TMCC3: variants seen among roughly 807,000 people sequenced by gnomAD.
The protein encoded by TMCC3 is transmembrane and coiled-coil domain protein 3.
Under a neutral mutation model 40.2 loss-of-function variants are expected in TMCC3, and 28 were observed. That is an observed-to-expected ratio of 0.70 (90% CI 0.52 to 0.95). The LOEUF is 0.95. TMCC3 is among the 40% of genes least tolerant of loss of function. The probability of loss-of-function intolerance (pLI) is 0.00; values close to 1 mark genes in which losing one functional copy is unlikely to be tolerated. For synonymous variants in TMCC3, 255 were observed against 248.5 expected (o/e 1.03, Z -0.25); for missense variants, 554 against 615.2 (o/e 0.90, Z 1.05).
chr12:94,575,759 G>T (rs931030781), intron 3 of TMCC3, among the ~76,000 whole-genome samples: 4 of 152,062 alleles, frequency 2.6e-5, no homozygotes, highest in African/African-American at 9.7e-5. Flanking sequence ...CTCTAAAATA[G>T]AACGACTTCG....
chr12:94,578,146 C>CAAAAAAAAAA (rs1183420863), intron 3 of TMCC3, among the ~76,000 whole-genome samples: 232 of 34,340 alleles, frequency 6.8e-3, no homozygotes, highest in Non-Finnish European at 9.9e-3. Flanking sequence ...AGACTCACCT[C>CAAAAAAAAAA]AAAAAAAAAA....
intron 1 of TMCC3, among the ~76,000 whole-genome samples, chr12:94,612,203 TTGACCAGGC>T (rs2068820248): frequency 6.6e-6 from 1 of 152,350 alleles, no homozygotes; most frequent in South Asian, 2.1e-4. Flanking sequence ...TTTCACCATG[TTGACCAGGC>T]TGGTCTCGAA....
At chr12:94,612,374 G>A (rs2138860488) in intron 1 of TMCC3, among the ~76,000 whole-genome samples, 1 of 151,900 alleles carries the variant, frequency 6.6e-6, no homozygotes, top group Middle Eastern at 3.4e-3. Flanking sequence ...GCAGTGGTGC[G>A]ATCTCGGCTC....
intron 3 of TMCC3, 71 bp downstream of exon 3, chr12:94,578,323 A>C: frequency 1.9e-6 from 3 of 1,551,250 alleles, no homozygotes; most frequent in Non-Finnish European, 2.6e-6. Flanking sequence ...AGGCATAAAC[A>C]TTTAGACTGT....
intron 1 of TMCC3, 42 bp downstream of exon 1, chr12:94,650,311 G>C: frequency 2.5e-6 from 3 of 1,204,326 alleles, no homozygotes; most frequent in Non-Finnish European, 3.1e-6. Flanking sequence ...CCTCGCCCCC[G>C]GGCCCGCGCG....
intron 1 of TMCC3, among the ~76,000 whole-genome samples, chr12:94,628,622 C>G (rs1405188555): frequency 3.3e-5 from 5 of 152,182 alleles, no homozygotes; most frequent in African/African-American, 1.2e-4. Flanking sequence ...CAAGGTCAAA[C>G]AGCAAAAACA....
At chr12:94,634,388 T>C (rs1375608709) in intron 1 of TMCC3, among the ~76,000 whole-genome samples, 3 of 152,118 alleles carry the variant, frequency 2.0e-5, no homozygotes, top group African/African-American at 7.2e-5. Context: ...ATTTCATCCA[T>C]TTCCTATTTG....
intron 1 of TMCC3, among the ~76,000 whole-genome samples, chr12:94,592,570 G>A (rs1427580869): frequency 3.5e-5 from 5 of 142,426 alleles, no homozygotes; most frequent in African/African-American, 1.1e-4. Context: ...CTTGGACCCC[G>A]GAGGCAGAGG....
At chr12:94,629,471 A>G (rs1402225964) in intron 1 of TMCC3, among the ~76,000 whole-genome samples, 1 of 152,254 alleles carries the variant, frequency 6.6e-6, no homozygotes, top group Admixed American at 6.5e-5. Flanking sequence ...CCTTGAGGGC[A>G]GTGCCCACAT....
rs2068506001 is a variant in TMCC3, at chr12:94,568,206, T to C, written c.*3229A>G. On this transcript the variant is annotated 3_prime_UTR_variant, in exon 4 of 4. Coordinates refer to ENST00000261226, the MANE Select transcript of TMCC3 (RefSeq NM_020698.4). ...AAACTTGGGACTAATCCCATGTTCA[T>C]TGTCCAAACCCAGCAACGGAGTACT... 3 of 152,160 alleles carry C rather than the reference T, an allele frequency of 2.0e-5. No homozygotes were observed. The highest frequency in any genetic ancestry group is 6.5e-5 in the Admixed American group (1 of 15,276). The allele number at this position is 152,160 out of a possible 1,614,324, so 9.4% of individuals were successfully genotyped here.
chr12:94,649,454 A>G (rs1177026639), intron 1 of TMCC3, among the ~76,000 whole-genome samples: 1 of 152,206 alleles, frequency 6.6e-6, no homozygotes, highest in East Asian at 1.9e-4. Flanking sequence ...TAGTTGGCGG[A>G]GCAAAGAACA....
chr12:94,583,230 C>T (rs1297098537), intron 1 of TMCC3, among the ~76,000 whole-genome samples: 2 of 149,858 alleles, frequency 1.3e-5, no homozygotes, highest in Non-Finnish European at 3.0e-5. Flanking sequence ...CGCTGCTGGG[C>T]GAGGTGGCTC....
intron 1 of TMCC3, among the ~76,000 whole-genome samples, chr12:94,593,421 A>G (rs1374921772): frequency 0.016 from 701 of 44,282 alleles, 148 homozygotes; most frequent in East Asian, 0.11. Flanking sequence ...GAAGAAGAAG[A>G]AGGAAGAAGA....
chr12:94,641,199 C>CAA (rs112330938), intron 1 of TMCC3, among the ~76,000 whole-genome samples: 48,244 of 142,704 alleles, frequency 0.34, 8,286 homozygotes, highest in East Asian at 0.42. Context: ...GACCCTGTCT[C>CAA]AAAAAAAAAA....
chr12:94,644,837 A>G (rs2069009569), intron 1 of TMCC3, among the ~76,000 whole-genome samples: 1 of 152,212 alleles, frequency 6.6e-6, no homozygotes, highest in South Asian at 2.1e-4. Context: ...TTCCACTGTG[A>G]GAAGGGCTAC....
intron 1 of TMCC3, among the ~76,000 whole-genome samples, chr12:94,617,160 G>A (rs547340374): frequency 2.6e-4 from 39 of 152,278 alleles, no homozygotes; most frequent in African/African-American, 8.9e-4. Context: ...CACAAGATAG[G>A]CAAGAGGAAT....
chr12:94,590,285 T>TA (rs2068665779), intron 1 of TMCC3, among the ~76,000 whole-genome samples: 1 of 145,636 alleles, frequency 6.9e-6, no homozygotes, highest in East Asian at 2.0e-4. Flanking sequence ...TTTTTTTTTT[T>TA]AGAAGAGATG....
intron 1 of TMCC3, among the ~76,000 whole-genome samples, chr12:94,599,461 G>A (rs916641934): frequency 2.6e-5 from 4 of 152,072 alleles, no homozygotes; most frequent in Non-Finnish European, 5.9e-5. Context: ...AAAGGAGGGT[G>A]GAAAGTGGAG....
At chr12:94,643,916 ATC>A (rs1476923292) in intron 1 of TMCC3, among the ~76,000 whole-genome samples, 1 of 152,230 alleles carries the variant, frequency 6.6e-6, no homozygotes, top group Non-Finnish European at 1.5e-5. Flanking sequence ...GAAACTAATA[ATC>A]TGTCTGGGCC....
Sources: gnomAD v4.1 joint callset for allele counts (sites outside exome capture counted in the v4.1 genomes callset) on GRCh38, gnomAD v4.1.1 for gene constraint, MANE v1.5 for transcripts, NCBI Gene and HGNC (gene_info 2026-07-23, HGNC 2026-07-21) for gene names.